The following EFCAB13 variants were observed in gnomAD, a reference collection of about 807,000 sequenced individuals.
EFCAB13 encodes the protein EF-hand calcium-binding domain-containing protein 13.
EFCAB13 carries 91 observed loss-of-function variants against 110.2 expected under a neutral mutation model. The observed-to-expected ratio is 0.83, with a 90% CI of 0.70 to 0.98. The LOEUF (loss-of-function observed/expected upper bound fraction) is 0.98. Among genes scored for constraint, EFCAB13 ranks in the 50% least tolerant of loss-of-function variants. EFCAB13 has a pLI of 0.00. For synonymous variants in EFCAB13, 323 were observed against 369.9 expected (o/e 0.87, Z 1.45); for missense variants, 968 against 1,119.4 (o/e 0.86, Z 1.93).
chr17:47,393,197 A>G (rs566049247), intron 15 of EFCAB13, among the ~76,000 whole-genome samples: 155 of 152,340 alleles, frequency 1.0e-3, no homozygotes, highest in Middle Eastern at 3.4e-3. Flanking sequence ...GGCACAAGCC[A>G]CCATGCCTGG....
At chr17:47,420,617 G>T (rs866161171) in intron 23 of EFCAB13, among the ~76,000 whole-genome samples, 2 of 152,098 alleles carry the variant, frequency 1.3e-5, no homozygotes, top group African/African-American at 2.4e-5. Flanking sequence ...TGGGATGTGA[G>T]GAGCGCCTCT....
chr17:47,370,355 G>C, intron 10 of EFCAB13, 82 bp from the exon 11 acceptor site: 1 of 956,162 alleles, frequency 1.0e-6, no homozygotes, highest in Non-Finnish European at 1.7e-6. Context: ...CACACATTCT[G>C]TGTTGTTTTC....
At chr17:47,346,365 A>C (rs1359696705) in intron 8 of EFCAB13, among the ~76,000 whole-genome samples, 1 of 151,336 alleles carries the variant, frequency 6.6e-6, no homozygotes, top group East Asian at 1.9e-4. Flanking sequence ...TCATGTTATT[A>C]CATATTACAG....
Position 47,369,137 on chromosome 17 carries a change from A to G in EFCAB13, c.806-1300A>G, listed in dbSNP as rs114987596. ...ACCTGATACCAAGTTCTACCACAAC[A>G]GGAATAGCTTTTGTTTTTGATAGAC... On this transcript the variant is annotated intron_variant, in intron 10 of 24. Coordinates refer to ENST00000331493, the MANE Select transcript of EFCAB13 (RefSeq NM_152347.5). Among the ~76,000 whole-genome samples the G allele has an allele frequency of 2.5e-3, 378 of 152,320 alleles. 3 individuals carry two copies. The highest frequency in any genetic ancestry group is 8.9e-3 in the African/African-American group (369 of 41,552).
rs1905309709 is a variant in EFCAB13, at chr17:47,440,915, T to A, written c.*201T>A. Reference sequence around the variant, plus strand: ...TTAAACATTCATGCTTTTTGAGGTATAATGTACATATGGCAAAATTCACTC... The same window carrying A: ...TTAAACATTCATGCTTTTTGAGGTAAAATGTACATATGGCAAAATTCACTC... On this transcript the variant is annotated 3_prime_UTR_variant, in exon 25 of 25. Coordinates refer to ENST00000331493, the MANE Select transcript of EFCAB13 (RefSeq NM_152347.5). 1 of 416,084 alleles carries A rather than the reference T, an allele frequency of 2.4e-6. No individual in the cohort carries two copies. Among genetic ancestry groups the A allele is most frequent in the Admixed American group, 4.2e-5 (1 of 23,852 alleles). The allele number at this position is 416,084 out of a possible 1,614,324, so 25.8% of individuals were successfully genotyped here.
At chr17:47,332,200 C>T (rs2065323479) in intron 4 of EFCAB13, among the ~76,000 whole-genome samples, 1 of 152,088 alleles carries the variant, frequency 6.6e-6, no homozygotes, top group South Asian at 2.1e-4. Context: ...GATGAGAGTT[C>T]TTGCTTCACA....
intron 6 of EFCAB13, among the ~76,000 whole-genome samples, chr17:47,342,966 G>A (rs1248054587): frequency 6.6e-6 from 1 of 151,920 alleles, no homozygotes; most frequent in African/African-American, 2.4e-5. Context: ...AATTTTATTT[G>A]ATGGTTCTTA....
At chr17:47,389,367 G>A (rs2065693592) in intron 14 of EFCAB13, among the ~76,000 whole-genome samples, 1 of 152,084 alleles carries the variant, frequency 6.6e-6, no homozygotes, top group Non-Finnish European at 1.5e-5. Context: ...CCTGCATCAA[G>A]GAAGCATTGT....
chr17:47,326,875 T>G (rs568882399), intron 3 of EFCAB13, among the ~76,000 whole-genome samples: 2 of 152,330 alleles, frequency 1.3e-5, no homozygotes, highest in African/African-American at 4.8e-5. Flanking sequence ...ATAATGACTA[T>G]AAACATATGT....
At chr17:47,349,554 G>T (rs112063372) in intron 9 of EFCAB13, among the ~76,000 whole-genome samples, 1 of 151,628 alleles carries the variant, frequency 6.6e-6, no homozygotes, top group South Asian at 2.1e-4. Context: ...ATATAATGTC[G>T]ACTGCTCTGT....
chr17:47,337,676 G>A (rs1181880970), intron 5 of EFCAB13, among the ~76,000 whole-genome samples: 1 of 152,128 alleles, frequency 6.6e-6, no homozygotes, highest in Non-Finnish European at 1.5e-5. Flanking sequence ...GAGGACTGCA[G>A]CCTGGGAAAC....
chr17:47,328,015 T>G (rs1027342131), intron 3 of EFCAB13: 3 of 444,752 alleles, frequency 6.7e-6, no homozygotes, highest in Non-Finnish European at 1.2e-5. Flanking sequence ...TGTAATTGGA[T>G]TTCTCAGCTT....
Position 47,398,047 on chromosome 17 carries a change from C to T in EFCAB13, c.1945+2070C>T, listed in dbSNP as rs1473161391. ...TCAGCCCCTGCCCGGCCAGCCGCTC[C>T]GTCCGGGAGGGAGGTTGGGGGGTCA... On this transcript the variant is annotated intron_variant, in intron 17 of 24. Coordinates refer to ENST00000331493, the MANE Select transcript of EFCAB13 (RefSeq NM_152347.5). Among the ~76,000 whole-genome samples the T allele has an allele frequency of 1.3e-4, 18 of 142,150 alleles. No individual in the cohort carries two copies. The East Asian group carries it at 1.8e-3, about 15-fold the overall frequency. 93.3% of individuals were successfully genotyped at this position (142,150 alleles called of 152,430 possible). A position where few individuals can be genotyped will look rare whatever the true frequency, so the allele number is the denominator to read the frequency against.
intron 17 of EFCAB13, 41 bp from the exon 18 acceptor site, chr17:47,402,091 G>A (rs1240578552): frequency 6.5e-7 from 1 of 1,544,850 alleles, no homozygotes; most frequent in Admixed American, 1.7e-5. Context: ...TCTGACTTTT[G>A]CGTAATGAGG....
chr17:47,351,304 T>TGTGTGTGTGTGTGTGTGTGTGTGTGTGA, intron 9 of EFCAB13, among the ~76,000 whole-genome samples: 1 of 123,102 alleles, frequency 8.1e-6, no homozygotes, highest in Admixed American at 9.1e-5. Context: ...TGTGTGTGTG[T>TGTGTGTGTGTGTGTGTGTGTGTGTGTGA]GCGCGCGCGC....
intron 21 of EFCAB13, 60 bp downstream of exon 21, chr17:47,409,751 A>G: frequency 7.8e-7 from 1 of 1,278,488 alleles, no homozygotes; most frequent in Non-Finnish European, 1.1e-6. Flanking sequence ...TTTTAGAATA[A>G]TTGCCAAGTA....
intron 9 of EFCAB13, among the ~76,000 whole-genome samples, chr17:47,357,114 G>A (rs1452227511): frequency 6.6e-6 from 1 of 152,112 alleles, no homozygotes; most frequent in Non-Finnish European, 1.5e-5. Context: ...TTATTTCCAG[G>A]CAGGCGGTGA....
intron 20 of EFCAB13, among the ~76,000 whole-genome samples, chr17:47,408,558 C>T (rs753264969): frequency 1.3e-5 from 2 of 152,136 alleles, no homozygotes; most frequent in Non-Finnish European, 2.9e-5. Context: ...GAGGCTGAGG[C>T]ACGAGAATGC....
intron 9 of EFCAB13, among the ~76,000 whole-genome samples, chr17:47,351,857 C>G (rs369722909): frequency 3.9e-4 from 58 of 149,288 alleles, no homozygotes; most frequent in African/African-American, 1.4e-3. Flanking sequence ...AATTCTTTGC[C>G]TAGACCAATG....
Sources: allele counts gnomAD v4.1 joint callset (sites outside exome capture counted in the v4.1 genomes callset), GRCh38; gene constraint gnomAD v4.1.1; transcripts MANE v1.5; gene names NCBI Gene and HGNC (gene_info 2026-07-23, HGNC 2026-07-21).